MED12L: variants seen among roughly 807,000 people sequenced by gnomAD.
MED12L encodes mediator complex subunit 12L, also known as mediator of RNA polymerase II transcription subunit 12-like protein.
Under a neutral mutation model 281.3 loss-of-function variants are expected in MED12L, and 60 were observed. The observed-to-expected ratio is 0.21, with a 90% CI of 0.17 to 0.26. The LOEUF is 0.26. Among genes scored for constraint, MED12L ranks in the 10% least tolerant of loss-of-function variants. The pLI is 1.00. For synonymous variants in MED12L, 974 were observed against 987.2 expected, an observed-to-expected ratio of 0.99 and a Z score of 0.25; for missense variants, 2,146 against 2,680.9, an observed-to-expected ratio of 0.80 and a Z score of 4.41.
chr3:151,328,696 C>T (rs750860488), intron 16 of MED12L: 112 of 1,613,768 alleles, frequency 6.9e-5, no homozygotes, highest in Admixed American at 1.2e-4. Context: ...AAAATATCAC[C>T]GAAGAAAAAC....
chr3:151,102,760 A>G (rs1721547229), intron 2 of MED12L, among the ~76,000 whole-genome samples: 1 of 152,194 alleles, frequency 6.6e-6, no homozygotes, highest in African/African-American at 2.4e-5. Flanking sequence ...GACGTGAAGC[A>G]CTGCACCCAG....
At chr3:151,216,048 T>C (rs2149239195) in intron 16 of MED12L, among the ~76,000 whole-genome samples, 2 of 152,338 alleles carry the variant, frequency 1.3e-5, no homozygotes, top group Middle Eastern at 3.4e-3. Flanking sequence ...TGTGTGCTTA[T>C]CATCCTGTGT....
chr3:151,159,439 C>A (rs1462422915), intron 7 of MED12L, among the ~76,000 whole-genome samples: 2 of 152,136 alleles, frequency 1.3e-5, no homozygotes, highest in Admixed American at 1.3e-4. Flanking sequence ...TAGCCACTAG[C>A]CAGATGTGGC....
intron 2 of MED12L, among the ~76,000 whole-genome samples, chr3:151,090,806 G>A (rs1361332792): frequency 2.0e-5 from 3 of 152,138 alleles, no homozygotes; most frequent in Non-Finnish European, 4.4e-5. Context: ...TTGGGAGGCC[G>A]AGGCGGGTGG....
chr3:151,193,688 T>A, intron 16 of MED12L, 22 bp downstream of exon 16: 1 of 1,570,604 alleles, frequency 6.4e-7, no homozygotes, highest in Non-Finnish European at 8.7e-7. Context: ...CTTCAGTTAA[T>A]CTATACCCTG....
chr3:151,188,621 G>A (rs1723570200), intron 13 of MED12L, 141 bp downstream of exon 13: 1 of 757,920 alleles, frequency 1.3e-6, no homozygotes. Context: ...AAAATTTTGT[G>A]GCATGTTTTT....
chr3:151,293,902 C>T (rs1400596079), intron 16 of MED12L, among the ~76,000 whole-genome samples: 2 of 152,064 alleles, frequency 1.3e-5, no homozygotes, highest in African/African-American at 4.8e-5. Context: ...GGAGGATGGC[C>T]ACAGTGCAGG....
At chr3:151,306,077 T>C (rs1211544079) in intron 16 of MED12L, among the ~76,000 whole-genome samples, 4 of 152,176 alleles carry the variant, frequency 2.6e-5, no homozygotes, top group Non-Finnish European at 5.9e-5. Context: ...GTCAGTTGAT[T>C]TGGCAATGAT....
At chr3:151,312,156 A>G (rs1747634706) in intron 16 of MED12L, among the ~76,000 whole-genome samples, 1 of 152,186 alleles carries the variant, frequency 6.6e-6, no homozygotes, top group Non-Finnish European at 1.5e-5. Flanking sequence ...TTTATTTGTA[A>G]TTTTGGGGCC....
At chr3:151,211,469 CA>C (rs1368968727) in intron 16 of MED12L, among the ~76,000 whole-genome samples, 2 of 150,196 alleles carry the variant, frequency 1.3e-5, no homozygotes, top group Non-Finnish European at 2.9e-5. Context: ...TTTGTGATAG[CA>C]TAGCAATTTT....
chr3:151,092,475 T>C lies in MED12L; in HGVS notation c.99+5450T>C, dbSNP rs151019647. ...CTCAGTAAATACTTCATGAAGAAAT[T>C]AATAAATGCAGAAAGAACTATTAAT... On this transcript the variant is annotated intron_variant, in intron 2 of 44. Coordinates refer to ENST00000687756, the MANE Select transcript of MED12L (RefSeq NM_001393769.1). Among the ~76,000 whole-genome samples the C allele has an allele frequency of 4.4e-3, 673 of 152,310 alleles. 3 individuals are homozygous for C. Among genetic ancestry groups the C allele is most frequent in the Non-Finnish European group, 6.5e-3 (441 of 68,038 alleles).
intron 16 of MED12L, among the ~76,000 whole-genome samples, chr3:151,242,959 C>T (rs543479385): frequency 0.02 from 3,039 of 151,254 alleles, 84 homozygotes; most frequent in African/African-American, 0.071. Flanking sequence ...TCGAGAACTA[C>T]GTGAAGAATG....
intron 10 of MED12L, 59 bp downstream of exon 10, chr3:151,165,578 TG>T: frequency 6.9e-7 from 1 of 1,439,284 alleles, no homozygotes; most frequent in Non-Finnish European, 9.8e-7. Flanking sequence ...GCTGTGTTTT[TG>T]CTTCTTATAA....
At chr3:151,287,628 AC>A in intron 16 of MED12L, among the ~76,000 whole-genome samples, 1 of 152,304 alleles carries the variant, frequency 6.6e-6, no homozygotes, top group Non-Finnish European at 1.5e-5. Flanking sequence ...CGATCACTTC[AC>A]TTCCTAGCTA....
At chr3:151,379,283 A>C (rs1279523553) in intron 31 of MED12L, among the ~76,000 whole-genome samples, 1 of 152,204 alleles carries the variant, frequency 6.6e-6, no homozygotes, top group Non-Finnish European at 1.5e-5. Flanking sequence ...GACTTGAAAG[A>C]TCGCTCTTCC....
At chr3:151,259,806 T>C (rs2149491284) in intron 16 of MED12L, among the ~76,000 whole-genome samples, 1 of 152,348 alleles carries the variant, frequency 6.6e-6, no homozygotes, top group Admixed American at 6.5e-5. Flanking sequence ...TTTATAGTTC[T>C]TGCCCCAGTG....
chr3:151,208,814 T>C (rs1433573348), intron 16 of MED12L, among the ~76,000 whole-genome samples: 1 of 152,176 alleles, frequency 6.6e-6, no homozygotes, highest in Non-Finnish European at 1.5e-5. Context: ...GCCACACACT[T>C]CTGGGGCAGG....
intron 16 of MED12L, among the ~76,000 whole-genome samples, chr3:151,347,011 G>T (rs1560057501): frequency 6.6e-6 from 1 of 152,062 alleles, no homozygotes; most frequent in Non-Finnish European, 1.5e-5. Context: ...ATTTTAACTA[G>T]TGGATACATC....
chr3:151,356,432 A>G (rs182258276), intron 19 of MED12L, among the ~76,000 whole-genome samples: 7 of 152,184 alleles, frequency 4.6e-5, no homozygotes, highest in East Asian at 1.9e-4. Flanking sequence ...ATAAAAATCA[A>G]TGAACCAATT....
Sources: allele counts gnomAD v4.1 joint callset (sites outside exome capture counted in the v4.1 genomes callset), GRCh38; gene constraint gnomAD v4.1.1; transcripts MANE v1.5; gene names NCBI Gene and HGNC (gene_info 2026-07-23, HGNC 2026-07-21).